The following SETX variants were observed in gnomAD, a reference collection of about 807,000 sequenced individuals.
SETX encodes senataxin.
SETX carries 90 observed loss-of-function variants against 227.2 expected under a neutral mutation model. The observed-to-expected ratio is 0.40, with a 90% CI of 0.33 to 0.47. The LOEUF (loss-of-function observed/expected upper bound fraction) is 0.47, where lower values mean the gene tolerates loss of function less well. Among genes scored for constraint, SETX ranks in the 20% least tolerant of loss-of-function variants. The pLI is 0.91. For missense variants in SETX, 3,052 were observed against 3,181.5 expected (o/e 0.96, Z 0.98); for synonymous variants, 1,210 against 1,113.2 (o/e 1.09, Z -1.73).
At position 132,331,406 on chromosome 9, in the gene SETX, A is replaced by G. The variant is rs1195447298; in HGVS notation, c.881T>C (p.Met294Thr). 1.2e-6 allele frequency: 2 copies of G among 1,614,026 alleles called. No individual in the cohort carries two copies. Among genetic ancestry groups the G allele is most frequent in the Non-Finnish European group, 1.7e-6 (2 of 1,179,994 alleles). Residue 294 changes from methionine to threonine, a missense_variant, in exon 8 of 26, where the codon ATG becomes ACG. By Grantham distance (81) the Met-to-Thr change is moderately conservative. Coordinates refer to ENST00000224140, the MANE Select transcript of SETX (RefSeq NM_015046.7). ...AGATCCAAGGCGATCCAGAATCACC[A>G]TAAAACAGTGTAACGCTGGCCAGAA... ...DPFWPALHCFMVILDRLGSKV... is the reference protein window; with the variant it reads ...DPFWPALHCFTVILDRLGSKV...
chr9:132,324,945 A>C (rs558930698), intron 10 of SETX, among the ~76,000 whole-genome samples: 1 of 152,342 alleles, frequency 6.6e-6, no homozygotes, highest in Non-Finnish European at 1.5e-5. Context: ...TGTTTTTCTC[A>C]AATTTTAACG....
At chr9:132,338,481 A>G (rs965762175) in intron 5 of SETX, among the ~76,000 whole-genome samples, 1 of 152,194 alleles carries the variant, frequency 6.6e-6, no homozygotes, top group Non-Finnish European at 1.5e-5. Context: ...GTTCCAGATT[A>G]AAGAGGACTA....
rs529719571 is a variant in SETX, at chr9:132,278,729, G to A, written c.6655-472C>T. Among the ~76,000 whole-genome samples the A allele has an allele frequency of 9.2e-5, 14 of 152,198 alleles. 1 individual carries two copies. The highest frequency in any genetic ancestry group is 4.6e-4 in the Admixed American group (7 of 15,288). ...AACTGATGCTATTTTGATGCTACAA[G>A]ACGCCACCCAAAAAAACCAGTAATA... On this transcript the variant is annotated intron_variant, in intron 20 of 25. Coordinates refer to ENST00000224140, the MANE Select transcript of SETX (RefSeq NM_015046.7).
chr9:132,299,546 C>T (rs772348098), intron 12 of SETX, among the ~76,000 whole-genome samples: 2 of 152,186 alleles, frequency 1.3e-5, no homozygotes, highest in African/African-American at 2.4e-5. Context: ...AATGTTGACA[C>T]ACTTTATTGC....
chr9:132,300,881 A>T, intron 11 of SETX, 78 bp from the exon 12 acceptor site: 1 of 1,357,770 alleles, frequency 7.4e-7, no homozygotes, highest in Non-Finnish European at 1.0e-6. Context: ...AAAGAAATTA[A>T]ATCCTTGTAT....
intron 11 of SETX, 125 bp from the exon 12 acceptor site, chr9:132,300,928 T>C: frequency 1.3e-6 from 1 of 745,960 alleles, no homozygotes; most frequent in Non-Finnish European, 2.1e-6. Flanking sequence ...GGACTCTGCA[T>C]ATACTTTAAA....
At chr9:132,273,045 C>A (rs1192069057) in intron 23 of SETX, among the ~76,000 whole-genome samples, 1 of 151,980 alleles carries the variant, frequency 6.6e-6, no homozygotes, top group African/African-American at 2.4e-5. Flanking sequence ...ACAGCCTGGG[C>A]AACTTAGGAA....
Position 132,327,668 on chromosome 9 carries a change from T to C in SETX, c.3930A>G (p.Leu1310=). The C allele has an allele frequency of 6.2e-7, 1 of 1,613,872 alleles. No homozygotes were observed. The highest frequency in any genetic ancestry group is 8.5e-7 in the Non-Finnish European group (1 of 1,179,930). ...SQRSLDYVAQ[L]RDHGKTVGVV... ...CTCCAACAGTTTTGCCATGATCACGTAATTGAGCTACATAATCCAAAGACC... is the reference window on the plus strand; with the variant it reads ...CTCCAACAGTTTTGCCATGATCACGCAATTGAGCTACATAATCCAAAGACC... The change falls in exon 10 of 26, where the codon TTA becomes TTG. Residue 1310 remains leucine, a synonymous_variant. Coordinates refer to ENST00000224140, the MANE Select transcript of SETX (RefSeq NM_015046.7).
intron 10 of SETX, among the ~76,000 whole-genome samples, chr9:132,324,450 C>A (rs1333779394): frequency 3.3e-5 from 5 of 152,198 alleles, no homozygotes; most frequent in African/African-American, 1.2e-4. Context: ...GTACATTACA[C>A]TTCCTTCCCC....
intron 11 of SETX, among the ~76,000 whole-genome samples, chr9:132,310,871 A>AT (rs1481900690): frequency 1.3e-5 from 2 of 152,202 alleles, no homozygotes; most frequent in Non-Finnish European, 2.9e-5. Context: ...ATGAATAAAT[A>AT]TATCTTCTCT....
At chr9:132,341,433 T>C (rs1847955992) in intron 5 of SETX, among the ~76,000 whole-genome samples, 1 of 152,078 alleles carries the variant, frequency 6.6e-6, no homozygotes, top group Non-Finnish European at 1.5e-5. Context: ...CAGGGAGGAA[T>C]TCTGTGTCCC....
At position 132,282,573 on chromosome 9, in the gene SETX, C is replaced by T. The variant is rs561326261; in HGVS notation, c.6546+691G>A. 1.0e-3 allele frequency among the ~76,000 whole-genome samples: 158 copies of T among 152,168 alleles called. 1 individual carries two copies. Among genetic ancestry groups the T allele is most frequent in the African/African-American group, 3.5e-3 (147 of 41,524 alleles). On this transcript the variant is annotated intron_variant, in intron 19 of 25. Transcript: ENST00000224140. ...CCAAAGTGCCAGGATTACAGGTGTG[C>T]ACCACCATGCCCAGGCCCTTTTCAA...
intron 5 of SETX, among the ~76,000 whole-genome samples, chr9:132,336,740 A>G (rs1273712374): frequency 1.3e-5 from 2 of 152,212 alleles, no homozygotes; most frequent in African/African-American, 2.4e-5. Flanking sequence ...GCAAGACAAC[A>G]TTAAGTAATT....
At chr9:132,285,918 C>CA (rs1309823369) in intron 18 of SETX, among the ~76,000 whole-genome samples, 1 of 149,780 alleles carries the variant, frequency 6.7e-6, no homozygotes, top group African/African-American at 2.5e-5. Flanking sequence ...TGTGGTGCCT[C>CA]ACGCCTGTAA....
chr9:132,329,326 CT>C lies in SETX; in HGVS notation c.2271del (p.Val758CysfsTer10). The C allele has an allele frequency of 6.2e-7, 1 of 1,613,874 alleles. No homozygotes were observed. Among genetic ancestry groups the C allele is most frequent in the African/African-American group, 1.3e-5 (1 of 75,032 alleles). ...LTDSSTDALE[K>X]VSTSNEDFSL... ...GAGAAATCTTCATTCGATGTGGACACTTTTTCCAAAGCATCAGTGCTAGAAT... is the reference window on the plus strand; with the variant it reads ...GAGAAATCTTCATTCGATGTGGACACTTTTCCAAAGCATCAGTGCTAGAAT... On this transcript the variant is annotated frameshift_variant, in exon 10 of 26. Transcript: ENST00000224140. LOFTEE classifies it high-confidence loss of function.
chr9:132,306,057 C>A (rs181880564), intron 11 of SETX, among the ~76,000 whole-genome samples: 1 of 152,306 alleles, frequency 6.6e-6, no homozygotes, highest in Non-Finnish European at 1.5e-5. Context: ...GCAAATCCAA[C>A]CCCACAGGAT....
chr9:132,265,681 G>A (rs945491977), intron 25 of SETX, among the ~76,000 whole-genome samples: 1 of 152,060 alleles, frequency 6.6e-6, no homozygotes, highest in East Asian at 1.9e-4. Context: ...GGTCACACAC[G>A]ACTAATGGCT....
chr9:132,287,784 A>G (rs1304429026), intron 17 of SETX, among the ~76,000 whole-genome samples: 7 of 151,380 alleles, frequency 4.6e-5, no homozygotes, highest in African/African-American at 1.7e-4. Flanking sequence ...AAAAAAGCAG[A>G]AAGAAATGTG....
chr9:132,289,560 T>G (rs1844160529), intron 15 of SETX, among the ~76,000 whole-genome samples: 2 of 152,174 alleles, frequency 1.3e-5, no homozygotes, highest in Non-Finnish European at 2.9e-5. Flanking sequence ...GTATTGAGGC[T>G]GATCCCCAAC....
Sources: allele counts gnomAD v4.1 joint callset (sites outside exome capture counted in the v4.1 genomes callset), GRCh38; gene constraint gnomAD v4.1.1; transcripts MANE v1.5; gene names NCBI Gene and HGNC (gene_info 2026-07-23, HGNC 2026-07-21).